The following THRAP3 variants were observed in gnomAD, a reference collection of about 807,000 sequenced individuals.
THRAP3 encodes the protein thyroid hormone receptor-associated protein 3.
In THRAP3, 16 loss-of-function variants were observed where a neutral mutation model predicts 101.0. The observed-to-expected ratio is 0.16, with a 90% CI of 0.11 to 0.24. The LOEUF is 0.24. THRAP3 is among the 10% of genes least tolerant of loss of function. The pLI is 1.00. For missense variants in THRAP3, 989 were observed against 1,202.7 expected (o/e 0.82, Z 2.63); for synonymous variants, 407 against 422.6 (o/e 0.96, Z 0.45).
chr1:36,290,202 CT>C (rs899412806), intron 5 of THRAP3, among the ~76,000 whole-genome samples: 51 of 146,632 alleles, frequency 3.5e-4, no homozygotes, highest in Admixed American at 4.1e-4. Flanking sequence ...TCTCTCTCTT[CT>C]TTTTTTTTTT....
At chr1:36,262,585 A>T (rs1412896799) in intron 2 of THRAP3, among the ~76,000 whole-genome samples, 1 of 152,118 alleles carries the variant, frequency 6.6e-6, no homozygotes. Flanking sequence ...CTTTGTAAAC[A>T]GTGGATGTCT....
chr1:36,276,395 G>T (rs1215646529), intron 2 of THRAP3, among the ~76,000 whole-genome samples: 3 of 151,858 alleles, frequency 2.0e-5, no homozygotes, highest in Non-Finnish European at 4.4e-5. Context: ...GTGGTGGTGG[G>T]TGCCTGTAGT....
At chr1:36,238,277 A>C (rs577494186) in intron 1 of THRAP3, among the ~76,000 whole-genome samples, 2 of 152,160 alleles carry the variant, frequency 1.3e-5, no homozygotes, top group Admixed American at 1.3e-4. Flanking sequence ...CCTGAACTAG[A>C]ATTTAGATTA....
intron 8 of THRAP3, chr1:36,294,235 TC>T: frequency 8.7e-7 from 1 of 1,152,244 alleles, no homozygotes; most frequent in Non-Finnish European, 1.1e-6. Flanking sequence ...GTGATATTTT[TC>T]TGCTTGTAAG....
At chr1:36,303,577 G>A (rs943964814) in intron 11 of THRAP3, among the ~76,000 whole-genome samples, 3 of 152,124 alleles carry the variant, frequency 2.0e-5, no homozygotes, top group African/African-American at 7.2e-5. Flanking sequence ...TGCCCAAGCT[G>A]TTACCTTAAA....
chr1:36,214,110 C>T, the THRAP3 span, among the ~76,000 whole-genome samples: 72 of 152,290 alleles, frequency 4.7e-4, no homozygotes, highest in African/African-American at 1.6e-3. Flanking sequence ...AAAGTCCATA[C>T]ATGACACACC....
At chr1:36,288,392 A>G (rs747219902) in intron 4 of THRAP3, 5 of 985,318 alleles carry the variant, frequency 5.1e-6, no homozygotes, top group Non-Finnish European at 6.0e-6. Context: ...AAGTAAGTCT[A>G]TTTTAAAACA....
chr1:36,224,224 G>A (rs1478418708), upstream of THRAP3, among the ~76,000 whole-genome samples: 3 of 152,242 alleles, frequency 2.0e-5, no homozygotes, highest in Non-Finnish European at 2.9e-5. Flanking sequence ...CCAGGCGGGG[G>A]GAGGGGACGG....
chr1:36,229,480 G>C (rs1570221032), intron 1 of THRAP3, among the ~76,000 whole-genome samples: 1 of 143,136 alleles, frequency 7.0e-6, no homozygotes, highest in South Asian at 2.3e-4. Flanking sequence ...AGAAATTTTA[G>C]TTTCTTTTTG....
At chr1:36,210,426 C>T in the THRAP3 span, among the ~76,000 whole-genome samples, 1 of 147,570 alleles carries the variant, frequency 6.8e-6, no homozygotes, top group South Asian at 2.1e-4. Context: ...CAGTGGCTCA[C>T]ATCTGTAATC....
chr1:36,276,112 C>G (rs1048904306), intron 2 of THRAP3, among the ~76,000 whole-genome samples: 5 of 151,718 alleles, frequency 3.3e-5, no homozygotes, highest in African/African-American at 1.2e-4. Context: ...AAAACCCTTA[C>G]AAGAAAACCT....
intron 1 of THRAP3, among the ~76,000 whole-genome samples, chr1:36,242,861 A>G (rs1014894840): frequency 6.6e-6 from 1 of 152,078 alleles, no homozygotes; most frequent in Admixed American, 6.6e-5. Flanking sequence ...TCATACAGAT[A>G]TTCTCTTCTG....
chr1:36,288,834 A>C (rs941696960), intron 4 of THRAP3: 1 of 985,180 alleles, frequency 1.0e-6, no homozygotes, highest in African/African-American at 1.7e-5. Context: ...GTAAGACACA[A>C]CTCCATGGAT....
At chr1:36,241,383 GTGTATATATATATATATATATATATATA>G (rs1249409650) in intron 1 of THRAP3, among the ~76,000 whole-genome samples, 41 of 132,036 alleles carry the variant, frequency 3.1e-4, no homozygotes, top group Admixed American at 6.1e-4. Flanking sequence ...ATGATAATGG[GTGTATATATATATATATATATATATATA>G]TATATATATA....
intron 2 of THRAP3, among the ~76,000 whole-genome samples, chr1:36,274,416 C>T (rs1195571678): frequency 6.6e-6 from 1 of 152,040 alleles, no homozygotes; most frequent in African/African-American, 2.4e-5. Flanking sequence ...AATTGGCATG[C>T]TGATTCTAAA....
chr1:36,287,237 G>T lies in THRAP3; in HGVS notation c.1007G>T (p.Ser336Ile). 1 of 1,613,014 alleles carries T rather than the reference G, an allele frequency of 6.2e-7. No homozygotes were observed. Among genetic ancestry groups the T allele is most frequent in the Non-Finnish European group, 8.5e-7 (1 of 1,179,384 alleles). Residue 336 changes from serine to isoleucine, a missense_variant, in exon 4 of 12, where the codon AGT becomes ATT. Physicochemically the swap from Ser to Ile is moderately radical, Grantham distance 142. Coordinates refer to ENST00000354618, the MANE Select transcript of THRAP3 (RefSeq NM_005119.4). ...STYGSSQKEE[S>I]AASGGAAYTK... ...TATGGCTCATCTCAGAAGGAGGAGA[G>T]TGCTGCTTCAGGAGGAGCAGCCTAT... is the stretch of plus-strand genomic sequence containing the variant.
At chr1:36,284,298 G>A (rs910150186) in intron 3 of THRAP3, among the ~76,000 whole-genome samples, 2 of 152,236 alleles carry the variant, frequency 1.3e-5, no homozygotes, top group African/African-American at 4.8e-5. Flanking sequence ...AAGGCAGTAT[G>A]TGCTGGGGTA....
intron 11 of THRAP3, 39 bp downstream of exon 11, chr1:36,301,735 T>G: frequency 6.3e-7 from 1 of 1,586,070 alleles, no homozygotes; most frequent in Non-Finnish European, 8.6e-7. Flanking sequence ...TTAGAGGGCC[T>G]TTGACACACA....
chr1:36,283,570 T>G (rs562006964), intron 3 of THRAP3, among the ~76,000 whole-genome samples: 2 of 152,288 alleles, frequency 1.3e-5, no homozygotes, highest in East Asian at 1.9e-4. Flanking sequence ...TTCCCACAAG[T>G]ACATTAGCAA....
Sources: allele counts gnomAD v4.1 joint callset (sites outside exome capture counted in the v4.1 genomes callset), GRCh38; gene constraint gnomAD v4.1.1; transcripts MANE v1.5; gene names NCBI Gene and HGNC (gene_info 2026-07-23, HGNC 2026-07-21).